RNF121: variants seen among roughly 807,000 people sequenced by gnomAD.
The protein encoded by RNF121 is ring finger protein 121, also known as E3 ubiquitin ligase RNF121.
In RNF121, 21 loss-of-function variants were observed where a neutral mutation model predicts 46.5. The observed-to-expected ratio is 0.45, with a 90% confidence interval of 0.32 to 0.65. RNF121 has a LOEUF of 0.65. RNF121 is among the 30% of genes least tolerant of loss of function. The pLI is 0.04. For missense variants in RNF121, 346 were observed against 416.0 expected (o/e 0.83, Z 1.46); for synonymous variants, 139 against 144.7 (o/e 0.96, Z 0.28).
chr11:71,952,935 T>C (rs538817183), intron 1 of RNF121, among the ~76,000 whole-genome samples: 8 of 152,396 alleles, frequency 5.2e-5, no homozygotes, highest in Admixed American at 5.2e-4. Flanking sequence ...AATTTTGAAA[T>C]GTACAATATT....
intron 3 of RNF121, among the ~76,000 whole-genome samples, chr11:71,979,287 T>A (rs1954596282): frequency 6.6e-6 from 1 of 152,178 alleles, no homozygotes; most frequent in Non-Finnish European, 1.5e-5. Context: ...TAGGGTGACC[T>A]ATTGAGTTGG....
At chr11:71,953,125 C>T (rs1298311944) in intron 1 of RNF121, among the ~76,000 whole-genome samples, 1 of 152,236 alleles carries the variant, frequency 6.6e-6, no homozygotes, top group Non-Finnish European at 1.5e-5. Flanking sequence ...CCTCAAACTC[C>T]TGGGCTTAAG....
intron 2 of RNF121, among the ~76,000 whole-genome samples, chr11:71,957,792 A>G (rs1954026580): frequency 6.6e-6 from 1 of 152,208 alleles, no homozygotes; most frequent in African/African-American, 2.4e-5. Context: ...CTTGTTTTGT[A>G]AATAGAATGA....
chr11:71,993,425 A>G (rs1300246242), intron 6 of RNF121, among the ~76,000 whole-genome samples: 8 of 152,094 alleles, frequency 5.3e-5, no homozygotes, highest in Admixed American at 1.3e-4. Context: ...CTCTGTGAAC[A>G]TGCCTATTGT....
At chr11:71,961,543 CAG>C (rs1954134467) in intron 3 of RNF121, among the ~76,000 whole-genome samples, 1 of 151,636 alleles carries the variant, frequency 6.6e-6, no homozygotes, top group African/African-American at 2.4e-5. Context: ...AGCCTGGAGA[CAG>C]AGCAAGACTC....
At chr11:71,946,310 A>G (rs557216445) in intron 1 of RNF121, among the ~76,000 whole-genome samples, 1 of 152,374 alleles carries the variant, frequency 6.6e-6, no homozygotes, top group South Asian at 2.1e-4. Context: ...GATAAGTGCT[A>G]TAACATGGGT....
intron 1 of RNF121, among the ~76,000 whole-genome samples, chr11:71,929,355 C>CAG (rs542407245): frequency 7.1e-6 from 1 of 140,734 alleles, no homozygotes; most frequent in Non-Finnish European, 1.5e-5. Flanking sequence ...AGATGGAGGA[C>CAG]AGAGAGAGAG....
At chr11:71,993,736 A>C (rs1954912714) in intron 6 of RNF121, among the ~76,000 whole-genome samples, 1 of 151,544 alleles carries the variant, frequency 6.6e-6, no homozygotes. Context: ...GTCATTTGGT[A>C]ATTTTATGTT....
At chr11:71,960,320 A>G (rs971923033) in intron 2 of RNF121, among the ~76,000 whole-genome samples, 1 of 152,184 alleles carries the variant, frequency 6.6e-6, no homozygotes, top group African/African-American at 2.4e-5. Context: ...TTACTCCTTT[A>G]CTGCTGTCAT....
chr11:71,953,338 A>G (rs1953924716), intron 1 of RNF121, among the ~76,000 whole-genome samples: 1 of 152,206 alleles, frequency 6.6e-6, no homozygotes. Context: ...CAACCTCAGA[A>G]TAGCACACTT....
intron 8 of RNF121, 38 bp from the exon 9 acceptor site, chr11:71,996,157 C>T (rs746290409): frequency 1.2e-6 from 2 of 1,612,118 alleles, no homozygotes; most frequent in Non-Finnish European, 1.7e-6. Flanking sequence ...CTCCTGGCAG[C>T]TCTTGCACAG....
At chr11:71,975,180 T>C (rs1954503324) in intron 3 of RNF121, among the ~76,000 whole-genome samples, 1 of 152,176 alleles carries the variant, frequency 6.6e-6, no homozygotes, top group African/African-American at 2.4e-5. Context: ...ACCAAGATAT[T>C]AGGATTACTA....
At chr11:71,964,543 T>C (rs1954226582) in intron 3 of RNF121, among the ~76,000 whole-genome samples, 1 of 152,090 alleles carries the variant, frequency 6.6e-6, no homozygotes, top group Non-Finnish European at 1.5e-5. Context: ...GTATGGCGAT[T>C]TCGGCTCACT....
At chr11:71,938,476 C>T (rs1356606652) in intron 1 of RNF121, among the ~76,000 whole-genome samples, 1 of 151,778 alleles carries the variant, frequency 6.6e-6, no homozygotes, top group South Asian at 2.1e-4. Flanking sequence ...TGTGCCCCCA[C>T]GCCTGGCTAA....
At chr11:71,993,366 C>T (rs888201063) in intron 6 of RNF121, among the ~76,000 whole-genome samples, 1 of 152,226 alleles carries the variant, frequency 6.6e-6, no homozygotes, top group Non-Finnish European at 1.5e-5. Context: ...TAAGCAGTAA[C>T]TCATTACCCC....
chr11:71,929,468 C>T (rs1404984129), intron 1 of RNF121, among the ~76,000 whole-genome samples: 5 of 152,050 alleles, frequency 3.3e-5, no homozygotes, highest in Non-Finnish European at 7.4e-5. Context: ...ACGTGAATTT[C>T]TTCAGGGGAA....
At chr11:71,995,401 T>C in intron 7 of RNF121, 49 bp from the exon 8 acceptor site, 2 of 1,447,814 alleles carry the variant, frequency 1.4e-6, no homozygotes, top group Non-Finnish European at 1.9e-6. Context: ...TGTCTGGGGC[T>C]GGAGTGCCGC....
intron 3 of RNF121, among the ~76,000 whole-genome samples, chr11:71,965,019 T>TA (rs756698844): frequency 6.6e-6 from 1 of 152,250 alleles, no homozygotes. Flanking sequence ...TTATTTGTTA[T>TA]AAAAAAATTT....
chr11:71,937,455 G>A (rs965291672), intron 1 of RNF121, among the ~76,000 whole-genome samples: 1 of 152,152 alleles, frequency 6.6e-6, no homozygotes, highest in Non-Finnish European at 1.5e-5. Context: ...TGGGATTACA[G>A]ACACTGCCAC....
Sources: gnomAD v4.1 joint callset for allele counts (sites outside exome capture counted in the v4.1 genomes callset) on GRCh38, gnomAD v4.1.1 for gene constraint, MANE v1.5 for transcripts, NCBI Gene and HGNC (gene_info 2026-07-23, HGNC 2026-07-21) for gene names.